The following RAB9B variants were observed in gnomAD, a reference collection of about 807,000 sequenced individuals.
RAB9B encodes ras-related protein Rab-9B.
Under a neutral mutation model 8.9 loss-of-function variants are expected in RAB9B, and 1 was observed. The observed-to-expected ratio is 0.11, with a 90% CI of 0.04 to 0.53. RAB9B has a LOEUF of 0.53. Among genes scored for constraint, RAB9B ranks in the 20% least tolerant of loss-of-function variants. The probability of loss-of-function intolerance (pLI) is 0.93; values close to 1 mark genes in which losing one functional copy is unlikely to be tolerated. For synonymous variants in RAB9B, 63 were observed against 57.0 expected, an observed-to-expected ratio of 1.10 and a Z score of -0.47; for missense variants, 82 against 152.9, an observed-to-expected ratio of 0.54 and a Z score of 2.45.
the RAB9B span, among the ~76,000 whole-genome samples, chrX:103,799,400 T>G: frequency 8.9e-6 from 1 of 111,742 alleles, no homozygotes; most frequent in Admixed American, 9.6e-5. Context: ...TTTTTAATAT[T>G]TATTGATATT....
rs1255122918 is a variant in RAB9B, at chrX:103,824,305, T to G, written c.*874A>C. ...AAGCCTTCTCCATGAGCCCAGCATG[T>G]TGGATCAAAGGACCATCTAAATGAT... On this transcript the variant is annotated 3_prime_UTR_variant, in exon 3 of 3. Transcript: ENST00000243298. 8.9e-6 allele frequency: 1 copy of G among 112,389 alleles called. No individual in the cohort carries two copies. Among genetic ancestry groups the G allele is most frequent in the Non-Finnish European group, 1.9e-5 (1 of 53,298 alleles). The allele number at this position is 112,389 out of a possible 1,213,427, so 9.3% of individuals were successfully genotyped here. A position where few individuals can be genotyped will look rare whatever the true frequency, so the allele number is the denominator to read the frequency against.
the RAB9B span, among the ~76,000 whole-genome samples, chrX:103,796,454 G>A: frequency 6.3e-5 from 7 of 111,644 alleles, no homozygotes; most frequent in African/African-American, 2.3e-4. Context: ...GGGCAACAGA[G>A]GGAGACCCTG....
the RAB9B span, among the ~76,000 whole-genome samples, chrX:103,797,183 G>A: frequency 9.3e-6 from 1 of 106,968 alleles, no homozygotes. Flanking sequence ...GACCTCCTGG[G>A]CTCAAGTGAT....
the RAB9B span, among the ~76,000 whole-genome samples, chrX:103,808,205 T>C: frequency 8.9e-6 from 1 of 111,985 alleles, no homozygotes; most frequent in South Asian, 3.7e-4. Context: ...CAGGCCTCTG[T>C]TTCTTCCAAG....
At chrX:103,785,820 C>A in the RAB9B span, 22 of 1,047,102 alleles carry the variant, frequency 2.1e-5, no homozygotes, top group African/African-American at 3.0e-4. Context: ...CTCTCTCCAT[C>A]CTGGAGATAG....
rs2074673563 is a variant in RAB9B, at chrX:103,824,056, G to A, written c.*1123C>T. The A allele has an allele frequency of 1.8e-5, 2 of 112,168 alleles. No individual in the cohort carries two copies. The highest frequency in any genetic ancestry group is 6.5e-5 in the African/African-American group (2 of 30,894). 9.2% of individuals were successfully genotyped at this position (112,168 alleles called of 1,213,427 possible). ...CATCCAGTGAATATTTTCAGAGGCA[G>A]GGAGCTCACTATTAAGGCAGTCCAT... On this transcript the variant is annotated 3_prime_UTR_variant, in exon 3 of 3. Transcript: ENST00000243298.
chrX:103,790,465 AT>A, the RAB9B span: 66 of 802,436 alleles, frequency 8.2e-5, no homozygotes, highest in Non-Finnish European at 2.7e-5. Flanking sequence ...TCCCAAAGGG[AT>A]TTGAGGAGGG....
In RAB9B at chrX:103,824,575, A is replaced by G. The variant is rs1359277714; in HGVS notation, c.*604T>C. On this transcript the variant is annotated 3_prime_UTR_variant, in exon 3 of 3. Coordinates refer to ENST00000243298, the MANE Select transcript of RAB9B (RefSeq NM_016370.4). ...TTAGAGTATCTCTTATTGAGATGGGATTTTTTGAAAAGCTCAGATGGGAGC... is the reference window on the plus strand; with the variant it reads ...TTAGAGTATCTCTTATTGAGATGGGGTTTTTTGAAAAGCTCAGATGGGAGC... 2 of 112,180 alleles carry G rather than the reference A, an allele frequency of 1.8e-5. No individual in the cohort carries two copies. The highest frequency in any genetic ancestry group is 6.5e-5 in the African/African-American group (2 of 30,842). The allele number at this position is 112,180 out of a possible 1,213,427, so 9.2% of individuals were successfully genotyped here.
chrX:103,831,708 T>A (rs144456108), intron 1 of RAB9B, among the ~76,000 whole-genome samples: 12 of 108,974 alleles, frequency 1.1e-4, no homozygotes, highest in African/African-American at 3.7e-4. Context: ...AAGTGAGATG[T>A]CACACATAGT....
At chrX:103,791,283 C>T in the RAB9B span, 5 of 98,672 alleles carry the variant, frequency 5.1e-5, no homozygotes, top group South Asian at 4.4e-4. Context: ...TCTGTGTAGA[C>T]GAAGGGGGCA....
the RAB9B span, among the ~76,000 whole-genome samples, chrX:103,802,220 C>CAG: frequency 0.22 from 18,539 of 85,091 alleles, 1,747 homozygotes; most frequent in Non-Finnish European, 0.28. Flanking sequence ...GAGAGAGAGA[C>CAG]AGAGAGAGAG....
the RAB9B span, among the ~76,000 whole-genome samples, chrX:103,777,266 T>C: frequency 9.0e-6 from 1 of 111,563 alleles, no homozygotes; most frequent in East Asian, 2.8e-4. Flanking sequence ...TGTGGTCATG[T>C]GTCCTCCTAC....
the RAB9B span, chrX:103,786,884 C>A: frequency 3.5e-6 from 2 of 566,444 alleles, no homozygotes; most frequent in Non-Finnish European, 6.0e-6. Context: ...TCAGGAAGAA[C>A]GTGGTGCCCA....
the RAB9B span, among the ~76,000 whole-genome samples, chrX:103,779,551 C>A: frequency 2.7e-5 from 3 of 112,081 alleles, no homozygotes; most frequent in Non-Finnish European, 3.8e-5. Context: ...TCAAGTGCAG[C>A]CTTCTCTACC....
At chrX:103,793,456 A>G in the RAB9B span, among the ~76,000 whole-genome samples, 1 of 112,266 alleles carries the variant, frequency 8.9e-6, no homozygotes, top group Non-Finnish European at 1.9e-5. Context: ...TAATTTCCTG[A>G]TTTCTGCTTA....
the RAB9B span, among the ~76,000 whole-genome samples, chrX:103,801,567 T>G: frequency 6.2e-5 from 7 of 112,074 alleles, no homozygotes; most frequent in Admixed American, 4.7e-4. Context: ...TGTACCAGCA[T>G]TGTTGTTTGT....
the RAB9B span, chrX:103,786,684 G>T: frequency 8.3e-7 from 1 of 1,211,340 alleles, no homozygotes; most frequent in Non-Finnish European, 1.1e-6. Flanking sequence ...CTTTGGAGCG[G>T]GTGTGTCATT....
At chrX:103,780,962 C>T in the RAB9B span, 3 of 145,151 alleles carry the variant, frequency 2.1e-5, no homozygotes, top group Non-Finnish European at 4.1e-5. Flanking sequence ...AGTGCAGATT[C>T]GAGACCTAGG....
the RAB9B span, among the ~76,000 whole-genome samples, chrX:103,808,061 T>C: frequency 3.6e-5 from 4 of 111,606 alleles, no homozygotes; most frequent in African/African-American, 1.3e-4. Flanking sequence ...CATTTCTAGT[T>C]CTAGCTCTGG....
Sources: allele counts gnomAD v4.1 joint callset (sites outside exome capture counted in the v4.1 genomes callset), GRCh38; gene constraint gnomAD v4.1.1; transcripts MANE v1.5; gene names NCBI Gene and HGNC (gene_info 2026-07-23, HGNC 2026-07-21).